Variants in SYT14 observed in about 807,000 individuals in gnomAD.
The protein encoded by SYT14 is synaptotagmin-14.
A neutral mutation model predicts 74.2 loss-of-function variants in SYT14; 32 were observed. The ratio of observed to expected loss-of-function variants is 0.43; its 90% CI spans 0.33 to 0.58. The LOEUF (loss-of-function observed/expected upper bound fraction) is 0.58. Among genes scored for constraint, SYT14 ranks in the 20% least tolerant of loss-of-function variants. The pLI is 0.05. For synonymous variants in SYT14, 298 were observed against 337.7 expected (o/e 0.88, Z 1.29); for missense variants, 791 against 981.8 (o/e 0.81, Z 2.60).
At chr1:210,000,465 C>CGT (rs1491364253) in intron 2 of SYT14, among the ~76,000 whole-genome samples, 1 of 86,028 alleles carries the variant, frequency 1.2e-5, no homozygotes, top group Non-Finnish European at 2.6e-5. Context: ...TGTCCTCATA[C>CGT]GCACACACAC....
intron 2 of SYT14, among the ~76,000 whole-genome samples, chr1:209,990,837 T>C (rs1198069122): frequency 6.6e-6 from 1 of 151,978 alleles, no homozygotes; most frequent in East Asian, 1.9e-4. Flanking sequence ...AAAAGCTTTG[T>C]CAGATTGGTA....
chr1:210,024,848 G>A (rs1164730314), intron 5 of SYT14, among the ~76,000 whole-genome samples: 1 of 150,430 alleles, frequency 6.6e-6, no homozygotes, highest in Non-Finnish European at 1.5e-5. Context: ...TATCAGCCAT[G>A]GAAGAAAAGT....
chr1:210,003,029 A>G (rs970175998), intron 2 of SYT14, among the ~76,000 whole-genome samples: 1 of 152,154 alleles, frequency 6.6e-6, no homozygotes, highest in African/African-American at 2.4e-5. Context: ...GATCATGAAG[A>G]AAAGTATTTG....
exon 10 of SYT14, chr1:210,165,926 GTGT>G (rs1397276687): frequency 2.0e-5 from 3 of 152,194 alleles, no homozygotes; most frequent in Non-Finnish European, 4.4e-5. Flanking sequence ...TATGTGCCAT[GTGT>G]TGTTGTTCCA....
At chr1:210,031,430 A>C (rs2080531825) in intron 5 of SYT14, among the ~76,000 whole-genome samples, 1 of 152,142 alleles carries the variant, frequency 6.6e-6, no homozygotes, top group Non-Finnish European at 1.5e-5. Context: ...CTGGCCTCAT[A>C]GGATGAGTTA....
intron 2 of SYT14, among the ~76,000 whole-genome samples, chr1:209,995,660 C>T (rs1480344621): frequency 6.6e-6 from 1 of 152,162 alleles, no homozygotes; most frequent in African/African-American, 2.4e-5. Flanking sequence ...GAACACTCCA[C>T]CCAACAACTA....
Position 210,155,815 on chromosome 1 carries a change from T to G in SYT14, c.2129T>G (p.Leu710Arg). Residue 710 changes from leucine to arginine, a missense_variant, in exon 8 of 10, where the codon CTT becomes CGT. Physicochemically the swap from Leu to Arg is moderately radical, Grantham distance 102. Coordinates refer to ENST00000637265, the Ensembl canonical transcript of SYT14. ...GAACATGGCTCAGTTCCAGAAATTC[T>G]TATTGGCCTGCTTTATAATGCCACA... 1 of 1,614,098 alleles carries G rather than the reference T, an allele frequency of 6.2e-7. No homozygotes were observed. Among genetic ancestry groups the G allele is most frequent in the South Asian group, 1.1e-5 (1 of 91,076 alleles).
chr1:210,032,197 G>C (rs1225484464), intron 5 of SYT14, among the ~76,000 whole-genome samples: 3 of 152,002 alleles, frequency 2.0e-5, no homozygotes, highest in Non-Finnish European at 4.4e-5. Flanking sequence ...ATCTAACTCA[G>C]ATATTTTTGT....
intron 5 of SYT14, among the ~76,000 whole-genome samples, chr1:210,028,177 C>G (rs997861372): frequency 6.7e-6 from 1 of 149,774 alleles, no homozygotes; most frequent in Non-Finnish European, 1.5e-5. Context: ...TTTTTTGTCT[C>G]GCTTATTTTA....
chr1:210,023,459 T>G (rs578206607), intron 5 of SYT14, among the ~76,000 whole-genome samples: 137 of 152,302 alleles, frequency 9.0e-4, no homozygotes, highest in Non-Finnish European at 1.3e-3. Context: ...TTCTCCTGCC[T>G]CAGCCTCCCG....
intron 7 of SYT14, among the ~76,000 whole-genome samples, chr1:210,149,074 T>C (rs930235941): frequency 2.6e-5 from 4 of 151,850 alleles, no homozygotes; most frequent in African/African-American, 9.7e-5. Flanking sequence ...ATCTCACTTA[T>C]AAGCGTATAG....
chr1:210,152,022 A>G (rs1004963565), intron 7 of SYT14, among the ~76,000 whole-genome samples: 2 of 152,228 alleles, frequency 1.3e-5, no homozygotes, highest in African/African-American at 4.8e-5. Flanking sequence ...ATTCTAACAG[A>G]TGCTGCTAGT....
chr1:209,958,079 C>G (rs2079020789), intron 2 of SYT14, among the ~76,000 whole-genome samples: 1 of 152,072 alleles, frequency 6.6e-6, no homozygotes, highest in Non-Finnish European at 1.5e-5. Flanking sequence ...ATTAATCCAT[C>G]TGAAATTGAT....
At chr1:210,112,655 G>A (rs1482888529) in intron 7 of SYT14, among the ~76,000 whole-genome samples, 2 of 151,388 alleles carry the variant, frequency 1.3e-5, no homozygotes, top group East Asian at 3.9e-4. Flanking sequence ...TGAGCGATGG[G>A]ATCTGATGCC....
intron 5 of SYT14, among the ~76,000 whole-genome samples, chr1:210,059,441 T>TAGAGAG (rs1175419124): frequency 2.5e-3 from 236 of 93,034 alleles, no homozygotes; most frequent in Middle Eastern, 5.7e-3. Context: ...TATATATATA[T>TAGAGAG]ATATATATAT....
chr1:210,037,333 T>A (rs760781548), intron 5 of SYT14, among the ~76,000 whole-genome samples: 4 of 152,038 alleles, frequency 2.6e-5, no homozygotes, highest in Non-Finnish European at 5.9e-5. Context: ...CTTTTGTTTG[T>A]CTTGGTAGCA....
chr1:210,094,396 G>T, exon 6 of SYT14: 1 of 1,613,894 alleles, frequency 6.2e-7, no homozygotes. Flanking sequence ...GGATGACAGT[G>T]GTTCTCCCCA....
rs1357720312 is a variant in SYT14 at position 210,010,323 on chromosome 1, C to A, written c.-485-3310C>A. Among the ~76,000 whole-genome samples the A allele has an allele frequency of 2.6e-5, 4 of 152,114 alleles. 1 individual carries two copies. The highest frequency in any genetic ancestry group is 5.9e-5 in the Non-Finnish European group (4 of 68,006). ...TCATTCATTCATTCATCCATCCATC[C>A]ATTTGTCCACAGATGTTTATATGTC... On this transcript the variant is annotated intron_variant, in intron 2 of 9. Coordinates refer to ENST00000637265, the Ensembl canonical transcript of SYT14.
At chr1:209,970,737 A>G (rs1394665642) in intron 2 of SYT14, among the ~76,000 whole-genome samples, 2 of 125,074 alleles carry the variant, frequency 1.6e-5, no homozygotes, top group Admixed American at 1.0e-4. Flanking sequence ...GCTGGAGTAC[A>G]GTGGCACAGT....
Sources: allele counts gnomAD v4.1 joint callset (sites outside exome capture counted in the v4.1 genomes callset), GRCh38; gene constraint gnomAD v4.1.1; transcripts MANE v1.5; gene names NCBI Gene and HGNC (gene_info 2026-07-23, HGNC 2026-07-21).